Variants in CDK14 observed in about 807,000 individuals in gnomAD.
The protein encoded by CDK14 is cyclin dependent kinase 14.
CDK14 carries 34 observed loss-of-function variants against 60.7 expected under a neutral mutation model. The ratio of observed to expected loss-of-function variants is 0.56; its 90% CI spans 0.43 to 0.75. The LOEUF (loss-of-function observed/expected upper bound fraction) is 0.75, where lower values mean the gene tolerates loss of function less well. CDK14 is among the 30% of genes least tolerant of loss of function. CDK14 has a pLI of 0.00. For missense variants in CDK14, 482 were observed against 564.1 expected (o/e 0.85, Z 1.47); for synonymous variants, 197 against 203.7 (o/e 0.97, Z 0.28).
chr7:90,621,711 C>T (rs558140098), intron 2 of CDK14, among the ~76,000 whole-genome samples: 3 of 125,614 alleles, frequency 2.4e-5, no homozygotes, highest in East Asian at 4.9e-4. Flanking sequence ...CTTCCTTTGC[C>T]ACAGGAATTC....
chr7:91,202,080 C>T (rs536655043), intron 14 of CDK14, among the ~76,000 whole-genome samples: 3 of 152,252 alleles, frequency 2.0e-5, no homozygotes, highest in South Asian at 2.1e-4. Context: ...AGGTCACCCA[C>T]CTGCACAGCG....
At chr7:90,803,207 G>A (rs1392028945) in intron 5 of CDK14, among the ~76,000 whole-genome samples, 1 of 151,972 alleles carries the variant, frequency 6.6e-6, no homozygotes, top group African/African-American at 2.4e-5. Context: ...TCTCCTGCCT[G>A]GAAGATTTCA....
At chr7:91,037,962 G>T (rs529356284) in intron 10 of CDK14, among the ~76,000 whole-genome samples, 2 of 152,312 alleles carry the variant, frequency 1.3e-5, no homozygotes, top group Non-Finnish European at 2.9e-5. Flanking sequence ...TTAGTGAAAT[G>T]AAAGCTACAG....
At chr7:91,003,505 C>G (rs1366479424) in intron 10 of CDK14, among the ~76,000 whole-genome samples, 1 of 152,170 alleles carries the variant, frequency 6.6e-6, no homozygotes, top group Non-Finnish European at 1.5e-5. Context: ...ATGTGTAATG[C>G]AAGCTGGTAG....
intron 2 of CDK14, among the ~76,000 whole-genome samples, chr7:90,705,218 ATAGT>A (rs1801871684): frequency 6.6e-6 from 1 of 152,000 alleles, no homozygotes; most frequent in Non-Finnish European, 1.5e-5. Context: ...GCTGATTATT[ATAGT>A]TAGATTCGTA....
intron 2 of CDK14, among the ~76,000 whole-genome samples, chr7:90,646,883 A>T (rs959394829): frequency 7.9e-5 from 12 of 152,198 alleles, no homozygotes; most frequent in African/African-American, 2.9e-4. Context: ...ACAACTAAAT[A>T]TTGAGTCACA....
chr7:90,908,380 A>C (rs1302331998), intron 7 of CDK14, among the ~76,000 whole-genome samples: 1 of 152,130 alleles, frequency 6.6e-6, no homozygotes, highest in Non-Finnish European at 1.5e-5. Context: ...CCAGCTAATT[A>C]AACAGTACAC....
intron 2 of CDK14, among the ~76,000 whole-genome samples, chr7:90,690,901 T>C (rs1801538824): frequency 6.6e-6 from 1 of 152,142 alleles, no homozygotes; most frequent in African/African-American, 2.4e-5. Context: ...CAAAGATTAC[T>C]TTAGAAAGTA....
chr7:90,998,344 A>G (rs1795743807), intron 10 of CDK14, among the ~76,000 whole-genome samples: 1 of 152,250 alleles, frequency 6.6e-6, no homozygotes, highest in Admixed American at 6.5e-5. Flanking sequence ...ATTTAAAAAA[A>G]GGATGTTGTG....
intron 10 of CDK14, among the ~76,000 whole-genome samples, chr7:91,010,169 TATA>T (rs201541355): frequency 0.034 from 5,220 of 152,214 alleles, 112 homozygotes; most frequent in South Asian, 0.071. Flanking sequence ...ACCGTGGCTC[TATA>T]ATAAGTTTTG....
At chr7:90,933,455 T>C (rs1265227816) in intron 8 of CDK14, among the ~76,000 whole-genome samples, 5 of 152,214 alleles carry the variant, frequency 3.3e-5, no homozygotes, top group Admixed American at 2.6e-4. Flanking sequence ...TTGCCTGTAG[T>C]ATCTTTTCAA....
At chr7:90,892,966 G>A (rs1792184536) in intron 6 of CDK14, among the ~76,000 whole-genome samples, 1 of 152,072 alleles carries the variant, frequency 6.6e-6, no homozygotes, top group African/African-American at 2.4e-5. Context: ...TTTTAATAGA[G>A]ATAGGTTTTC....
chr7:90,870,566 T>TC (rs1292419758), intron 6 of CDK14, among the ~76,000 whole-genome samples: 1 of 152,300 alleles, frequency 6.6e-6, no homozygotes, highest in African/African-American at 2.4e-5. Flanking sequence ...AGGGCATACT[T>TC]CCGTTTTTCC....
At chr7:90,735,783 A>G (rs1434481536) in intron 3 of CDK14, among the ~76,000 whole-genome samples, 1 of 152,212 alleles carries the variant, frequency 6.6e-6, no homozygotes, top group East Asian at 1.9e-4. Context: ...GGACCTGCCG[A>G]GCCAGACCAC....
chr7:90,673,269 A>G (rs1436847058), intron 2 of CDK14, among the ~76,000 whole-genome samples: 1 of 152,148 alleles, frequency 6.6e-6, no homozygotes, highest in Non-Finnish European at 1.5e-5. Flanking sequence ...AAACATATGG[A>G]TATACTTCAG....
Position 91,059,013 on chromosome 7 carries a change from G to A in CDK14, c.1105+13053G>A, listed in dbSNP as rs185966548. Among the ~76,000 whole-genome samples the A allele has an allele frequency of 3.0e-4, 46 of 152,258 alleles. No individual in the cohort carries two copies. In the East Asian group the frequency reaches 6.9e-3, roughly 23 times the overall value. On this transcript the variant is annotated intron_variant, in intron 11 of 14. Coordinates refer to ENST00000380050, the MANE Select transcript of CDK14 (RefSeq NM_001287135.2). Reference sequence around the variant, plus strand: ...CCTCCTTGTACCTCTGGTAGAATTCGACTATGAGTCCGTCTGGTCCTGGAC... The same window carrying A: ...CCTCCTTGTACCTCTGGTAGAATTCAACTATGAGTCCGTCTGGTCCTGGAC...
chr7:91,142,298 G>A (rs1267326829), intron 14 of CDK14, among the ~76,000 whole-genome samples: 1 of 152,178 alleles, frequency 6.6e-6, no homozygotes, highest in Non-Finnish European at 1.5e-5. Flanking sequence ...AGTAGTGGCT[G>A]CCTTCTTTAG....
chr7:91,017,258 G>A (rs1321975268), intron 10 of CDK14, among the ~76,000 whole-genome samples: 1 of 152,128 alleles, frequency 6.6e-6, no homozygotes, highest in Non-Finnish European at 1.5e-5. Flanking sequence ...GTACAAACTA[G>A]GTCTAAGTTC....
chr7:90,653,304 A>C (rs1584771354), intron 2 of CDK14, among the ~76,000 whole-genome samples: 1 of 152,174 alleles, frequency 6.6e-6, no homozygotes, highest in East Asian at 1.9e-4. Context: ...AGTTGCTTCT[A>C]ATAGTTACTA....
Sources: gnomAD v4.1 joint callset for allele counts (sites outside exome capture counted in the v4.1 genomes callset) on GRCh38, gnomAD v4.1.1 for gene constraint, MANE v1.5 for transcripts, NCBI Gene and HGNC (gene_info 2026-07-23, HGNC 2026-07-21) for gene names.